Variants in PNLDC1 observed in about 807,000 individuals in gnomAD.
PNLDC1 encodes the protein PARN like ribonuclease domain containing exonuclease 1.
PNLDC1 carries 70 observed loss-of-function variants against 82.0 expected under a neutral mutation model. That is an observed-to-expected ratio of 0.85 (90% CI 0.70 to 1.04). PNLDC1 has a LOEUF of 1.04. Ranked by LOEUF, PNLDC1 falls within the 50% of genes least tolerant of loss-of-function variation. The pLI is 0.00. For missense variants in PNLDC1, 631 were observed against 661.1 expected (o/e 0.95, Z 0.50); for synonymous variants, 280 against 249.3 (o/e 1.12, Z -1.16).
At position 159,800,810 on chromosome 6, in the gene PNLDC1, T is replaced by C. The variant is rs2115020742; in HGVS notation, c.115T>C (p.Ser39Pro). The C allele has an allele frequency of 6.2e-7, 1 of 1,614,194 alleles. No homozygotes were observed. The highest frequency in any genetic ancestry group is 2.2e-5 in the East Asian group (1 of 44,880). The change falls in exon 2 of 19, where the codon TCT (serine) becomes CCT (proline). Residue 39 changes from serine to proline, a missense_variant. Transcript: ENST00000392167. ...GTTCACGGGCCTTCGTTCTAACCTG[T>C]CTGGGCCCCAGCAGATCAGGTAAAA... Reference protein sequence around the residue: ...IEFTGLRSNLSGPQQISLFDL... With the variant: ...IEFTGLRSNLPGPQQISLFDL...
chr6:159,814,609 G>T (rs956238640), intron 12 of PNLDC1, among the ~76,000 whole-genome samples: 2 of 152,174 alleles, frequency 1.3e-5, no homozygotes, highest in Non-Finnish European at 2.9e-5. Flanking sequence ...ATGGTACCAG[G>T]CATGATACTG....
rs745667918 is a variant in PNLDC1, at chr6:159,809,000, G to T, written c.640-15G>T. Reference sequence around the variant, plus strand: ...TAGTAACCCAGGATTCAGGGAATTTGTCCCTGCTTTTCAGGTGGTAGTGAA... The same window carrying T: ...TAGTAACCCAGGATTCAGGGAATTTTTCCCTGCTTTTCAGGTGGTAGTGAA... On this transcript the variant is annotated splice_polypyrimidine_tract_variant and intron_variant, in intron 8 of 18. Transcript: ENST00000392167. The T allele has an allele frequency of 1.2e-6, 2 of 1,610,456 alleles. No homozygotes were observed. Among genetic ancestry groups the T allele is most frequent in the East Asian group, 2.2e-5 (1 of 44,860 alleles).
At chr6:159,814,240 G>A (rs1486897789) in intron 12 of PNLDC1, among the ~76,000 whole-genome samples, 6 of 152,218 alleles carry the variant, frequency 3.9e-5, no homozygotes, top group East Asian at 1.9e-4. Context: ...TCAGCAGGAC[G>A]AGGCACGAGA....
chr6:159,808,942 G>C, intron 8 of PNLDC1, 73 bp from the exon 9 acceptor site: 1 of 1,591,900 alleles, frequency 6.3e-7, no homozygotes, highest in Non-Finnish European at 8.6e-7. Flanking sequence ...CTTTTGTTTA[G>C]AGATGCAGAG....
At chr6:159,814,181 T>C (rs1417664638) in intron 12 of PNLDC1, among the ~76,000 whole-genome samples, 1 of 152,180 alleles carries the variant, frequency 6.6e-6, no homozygotes, top group Non-Finnish European at 1.5e-5. Context: ...CCTTGTCTCC[T>C]TCACTCTGCT....
In PNLDC1 at chr6:159,816,530, GA is replaced by G; in HGVS notation, c.1061-9del. ...TGCTCAATTCTCTGTCCTCCTGGTG[GA>G]AAATGCCTCAGTTGAGACAAAGTGC... On this transcript the variant is annotated splice_polypyrimidine_tract_variant and intron_variant, in intron 13 of 18. Transcript: ENST00000392167. 1 of 1,613,478 alleles carries G rather than the reference GA, an allele frequency of 6.2e-7. No individual in the cohort carries two copies.
At chr6:159,801,802 T>C (rs1237368536) in intron 3 of PNLDC1, among the ~76,000 whole-genome samples, 1 of 151,986 alleles carries the variant, frequency 6.6e-6, no homozygotes, top group Non-Finnish European at 1.5e-5. Context: ...TTTAAGGTCA[T>C]CTCAGTTTCA....
At chr6:159,807,327 G>A (rs896862423) in intron 7 of PNLDC1, among the ~76,000 whole-genome samples, 1 of 152,030 alleles carries the variant, frequency 6.6e-6, no homozygotes, top group African/African-American at 2.4e-5. Context: ...ATTTTGGGAG[G>A]CCAAGGCAAT....
intron 9 of PNLDC1, among the ~76,000 whole-genome samples, chr6:159,809,785 T>C (rs1343688301): frequency 6.6e-6 from 1 of 152,130 alleles, no homozygotes; most frequent in African/African-American, 2.4e-5. Context: ...ACAGTATAGG[T>C]TTCCAGCGCA....
At chr6:159,816,461 G>A (rs1781833376) in intron 13 of PNLDC1, 82 bp from the exon 14 acceptor site, 7 of 1,293,836 alleles carry the variant, frequency 5.4e-6, no homozygotes, top group South Asian at 4.7e-5. Context: ...ATGAGCTGCA[G>A]CCACTGTGGA....
At chr6:159,817,855 C>T (rs556317586) in intron 15 of PNLDC1, among the ~76,000 whole-genome samples, 33 of 152,350 alleles carry the variant, frequency 2.2e-4, no homozygotes, top group East Asian at 1.3e-3. Flanking sequence ...TATATTTGTC[C>T]ATTTTAGCAG....
intron 1 of PNLDC1, 83 bp from the exon 2 acceptor site, chr6:159,800,689 C>T (rs752322242): frequency 1.9e-6 from 3 of 1,614,040 alleles, no homozygotes; most frequent in East Asian, 2.2e-5. Context: ...GCGCGGGTGC[C>T]TTGGCCGCCT....
rs571104314 is a variant in PNLDC1, at chr6:159,813,076, C to G, written c.940-525C>G. Among the ~76,000 whole-genome samples the G allele has an allele frequency of 1.7e-3, 263 of 152,310 alleles. 1 individual carries two copies. Among genetic ancestry groups the G allele is most frequent in the Middle Eastern group, 6.8e-3 (2 of 294 alleles). On this transcript the variant is annotated intron_variant, in intron 11 of 18. Transcript: ENST00000392167. ...ACAGAGAAGGGGGCATCAGATCAAT[C>G]TTGTGAAGCCTTAGAGTGATCCCTT...
At chr6:159,800,881 T>G (rs1443675325) in intron 2 of PNLDC1, 52 bp downstream of exon 2, 1 of 1,610,958 alleles carries the variant, frequency 6.2e-7, no homozygotes, top group Admixed American at 1.7e-5. Context: ...AGACCAGCAC[T>G]GTTTCTGGCC....
chr6:159,806,891 T>C (rs913218437), intron 7 of PNLDC1, among the ~76,000 whole-genome samples: 2 of 85,032 alleles, frequency 2.4e-5, no homozygotes, highest in African/African-American at 5.7e-5. Context: ...TAGCTGCCTT[T>C]TTTTTTTTTT....
intron 3 of PNLDC1, among the ~76,000 whole-genome samples, chr6:159,801,405 A>T (rs1033516532): frequency 6.6e-6 from 1 of 152,192 alleles, no homozygotes; most frequent in Non-Finnish European, 1.5e-5. Context: ...AGTATTAAGG[A>T]ACACTCACTG....
rs373669845 is a variant in PNLDC1 at position 159,816,562 on chromosome 6, C to T, written c.1080C>T (p.His360=). 5.1e-5 allele frequency: 83 copies of T among 1,613,512 alleles called. No homozygotes were observed. The highest frequency in any genetic ancestry group is 2.5e-4 in the Admixed American group (15 of 59,956). ...CCTCAGTTGAGACAAAGTGCCCCCA[C>T]GAAGCCGCGTATGATGCCTTCCTCT... The part of the protein sequence containing the change: ...CEKYVETKCP[H]EAAYDAFLCG... Residue 360 remains histidine (H), a synonymous_variant, in exon 14 of 19, where the codon CAC becomes CAT. Coordinates refer to ENST00000392167, the MANE Select transcript of PNLDC1 (RefSeq NM_001271862.2).
At chr6:159,811,417 T>C (rs952991817) in intron 10 of PNLDC1, among the ~76,000 whole-genome samples, 1 of 152,232 alleles carries the variant, frequency 6.6e-6, no homozygotes, top group Non-Finnish European at 1.5e-5. Flanking sequence ...TTAAGTCTTA[T>C]CCCATCGGCT....
chr6:159,807,689 A>G (rs753068956), intron 7 of PNLDC1, among the ~76,000 whole-genome samples: 1 of 152,242 alleles, frequency 6.6e-6, no homozygotes, highest in Non-Finnish European at 1.5e-5. Context: ...ATCTTATCTC[A>G]TAGATAAGAG....
Sources: allele counts gnomAD v4.1 joint callset (sites outside exome capture counted in the v4.1 genomes callset), GRCh38; gene constraint gnomAD v4.1.1; transcripts MANE v1.5; gene names NCBI Gene and HGNC (gene_info 2026-07-23, HGNC 2026-07-21).